Variants in PRKCE observed in about 807,000 individuals in gnomAD.
PRKCE encodes the protein protein kinase C epsilon.
PRKCE carries 16 observed loss-of-function variants against 85.4 expected under a neutral mutation model. That is an observed-to-expected ratio of 0.19 (90% confidence interval 0.13 to 0.28). PRKCE has a LOEUF of 0.28. Ranked by LOEUF, PRKCE falls within the 10% of genes least tolerant of loss-of-function variation. The pLI is 1.00. For missense variants in PRKCE, 573 were observed against 975.2 expected, an observed-to-expected ratio of 0.59 and a Z score of 5.49; for synonymous variants, 388 against 371.5, an observed-to-expected ratio of 1.04 and a Z score of -0.51.
chr2:46,105,403 G>A (rs1163562509), intron 11 of PRKCE, among the ~76,000 whole-genome samples: 2 of 151,062 alleles, frequency 1.3e-5, no homozygotes, highest in African/African-American at 4.9e-5. Flanking sequence ...TTTCATGCCT[G>A]CTGGCATAGC....
intron 11 of PRKCE, among the ~76,000 whole-genome samples, chr2:46,143,408 G>T (rs149080616): frequency 4.4e-4 from 67 of 152,256 alleles, no homozygotes; most frequent in Non-Finnish European, 8.7e-4. Context: ...TTGCAAGTGG[G>T]CAGATAGTTC....
chr2:46,072,079 A>T (rs1668129617), intron 10 of PRKCE, among the ~76,000 whole-genome samples: 1 of 152,222 alleles, frequency 6.6e-6, no homozygotes, highest in African/African-American at 2.4e-5. Context: ...ATCTCACCAC[A>T]CTGCTCAGTG....
rs916884893 is a variant in PRKCE at position 46,009,636 on chromosome 2, A to G, written c.1264-708A>G. ...TGCAAAATGCTTCACCCTTTAATCT[A>G]CTTATGAGGGTTTCCATCTTACAAA... On this transcript the variant is annotated intron_variant, in intron 9 of 14. Transcript: ENST00000306156. Among the ~76,000 whole-genome samples the G allele has an allele frequency of 3.3e-5, 5 of 152,214 alleles. No individual in the cohort carries two copies. The South Asian group carries it at 6.2e-4, about 19-fold the overall frequency.
chr2:46,099,303 G>A (rs1277679608), intron 11 of PRKCE, among the ~76,000 whole-genome samples: 4 of 151,904 alleles, frequency 2.6e-5, no homozygotes. Flanking sequence ...CTCCTCAACA[G>A]CTTCTCCAGC....
intron 11 of PRKCE, among the ~76,000 whole-genome samples, chr2:46,122,790 CT>C (rs1173119564): frequency 6.6e-6 from 1 of 151,392 alleles, no homozygotes; most frequent in Non-Finnish European, 1.5e-5. Context: ...GAAACTGAGG[CT>C]TCAAGTTTTA....
chr2:45,930,431 T>C (rs911890407), intron 2 of PRKCE, among the ~76,000 whole-genome samples: 2 of 152,204 alleles, frequency 1.3e-5, no homozygotes, highest in Admixed American at 6.5e-5. Context: ...GGATGCTTAA[T>C]AAATCTTACA....
At chr2:45,846,925 A>G (rs1691838985) in intron 2 of PRKCE, among the ~76,000 whole-genome samples, 1 of 152,238 alleles carries the variant, frequency 6.6e-6, no homozygotes, top group African/African-American at 2.4e-5. Flanking sequence ...AGAGGTTGGC[A>G]TAGCTCTACC....
chr2:45,971,610 A>G (rs1702115793), intron 2 of PRKCE, among the ~76,000 whole-genome samples: 1 of 152,238 alleles, frequency 6.6e-6, no homozygotes. Flanking sequence ...AGAGATTGAG[A>G]AGACAATCTC....
intron 1 of PRKCE, among the ~76,000 whole-genome samples, chr2:45,827,264 C>G (rs1204415710): frequency 6.6e-6 from 1 of 152,204 alleles, no homozygotes; most frequent in Non-Finnish European, 1.5e-5. Flanking sequence ...TTTCCTGGAT[C>G]AAAGATGATA....
intron 1 of PRKCE, among the ~76,000 whole-genome samples, chr2:45,792,834 C>T (rs2105105799): frequency 6.6e-6 from 1 of 152,268 alleles, no homozygotes; most frequent in East Asian, 1.9e-4. Flanking sequence ...AGTCTTGCTC[C>T]ATCACCCAGG....
At position 45,889,473 on chromosome 2, in the gene PRKCE, TAAC is replaced by T. The variant is rs1558798917; in HGVS notation, c.412+46412_412+46414del. 4.7e-5 allele frequency among the ~76,000 whole-genome samples: 7 copies of T among 150,208 alleles called. 2 individuals are homozygous for T. The South Asian group carries it at 1.5e-3, about 31-fold the overall frequency. On this transcript the variant is annotated intron_variant, in intron 2 of 14. Coordinates refer to ENST00000306156, the MANE Select transcript of PRKCE (RefSeq NM_005400.3). ...GATTTTGATTTTCTACATTAATACT[TAAC>T]AGAGTTTGTCTGTGGCATGTGTGTG...
At chr2:46,095,867 G>A (rs981988776) in intron 11 of PRKCE, among the ~76,000 whole-genome samples, 6 of 152,162 alleles carry the variant, frequency 3.9e-5, no homozygotes, top group Non-Finnish European at 7.4e-5. Flanking sequence ...AACAATAATA[G>A]CAAAACACTT....
chr2:45,826,901 C>G (rs1238579505), intron 1 of PRKCE, among the ~76,000 whole-genome samples: 3 of 152,218 alleles, frequency 2.0e-5, no homozygotes, highest in Non-Finnish European at 4.4e-5. Flanking sequence ...CACCCCTTCC[C>G]AGCCACCATC....
At chr2:45,653,333 A>T (rs1675215088) in intron 1 of PRKCE, among the ~76,000 whole-genome samples, 1 of 139,236 alleles carries the variant, frequency 7.2e-6, no homozygotes, top group Admixed American at 7.1e-5. Context: ...AGAGAGAAGC[A>T]AACCTTCATT....
chr2:45,693,106 A>G lies in PRKCE; in HGVS notation c.348+40658A>G, dbSNP rs116305061. On this transcript the variant is annotated intron_variant, in intron 1 of 14. Coordinates refer to ENST00000306156, the MANE Select transcript of PRKCE (RefSeq NM_005400.3). ...GAGAAGTCAGGAACAGATCCTGAGG[A>G]GTGCGGGGTAGGGGAGTGAAGTAGG... Among the ~76,000 whole-genome samples the G allele has an allele frequency of 3.3e-3, 503 of 152,004 alleles. 3 individuals are homozygous for G. The highest frequency in any genetic ancestry group is 0.012 in the African/African-American group (484 of 41,474).
At chr2:45,858,628 A>G (rs1285867623) in intron 2 of PRKCE, among the ~76,000 whole-genome samples, 3 of 152,256 alleles carry the variant, frequency 2.0e-5, no homozygotes, top group African/African-American at 7.2e-5. Flanking sequence ...TGGGGGAAAG[A>G]TTTTGTAAAT....
chr2:45,840,155 A>G (rs1467742647), intron 1 of PRKCE, among the ~76,000 whole-genome samples: 5 of 152,158 alleles, frequency 3.3e-5, no homozygotes, highest in African/African-American at 1.2e-4. Context: ...AATAAAGTCC[A>G]CAGTCGTGGG....
At chr2:45,700,994 C>T (rs983600558) in intron 1 of PRKCE, among the ~76,000 whole-genome samples, 9 of 152,148 alleles carry the variant, frequency 5.9e-5, no homozygotes, top group African/African-American at 2.2e-4. Context: ...TTGCTAACAC[C>T]TTGATTTTGG....
intron 2 of PRKCE, among the ~76,000 whole-genome samples, chr2:45,974,823 C>T (rs1349038242): frequency 6.6e-6 from 1 of 152,270 alleles, no homozygotes; most frequent in African/African-American, 2.4e-5. Context: ...TATTTGGGGG[C>T]ACAGAGCCTT....
Sources: gnomAD v4.1 joint callset for allele counts (sites outside exome capture counted in the v4.1 genomes callset) on GRCh38, gnomAD v4.1.1 for gene constraint, MANE v1.5 for transcripts, NCBI Gene and HGNC (gene_info 2026-07-23, HGNC 2026-07-21) for gene names.